KCNQ5: variants seen among roughly 807,000 people sequenced by gnomAD.
KCNQ5 encodes potassium voltage-gated channel subfamily KQT member 5.
In KCNQ5, 30 loss-of-function variants were observed where a neutral mutation model predicts 98.2. That is an observed-to-expected ratio of 0.31 (90% CI 0.23 to 0.41). The LOEUF is 0.41. Ranked by LOEUF, KCNQ5 falls within the 10% of genes least tolerant of loss-of-function variation. The pLI is 1.00. For missense variants in KCNQ5, 835 were observed against 1,182.5 expected (o/e 0.71, Z 4.31); for synonymous variants, 458 against 449.4 (o/e 1.02, Z -0.24).
chr6:72,829,776 G>C (rs1200037565), intron 1 of KCNQ5, among the ~76,000 whole-genome samples: 1 of 152,126 alleles, frequency 6.6e-6, no homozygotes, highest in African/African-American at 2.4e-5. Flanking sequence ...AGATGTTTGA[G>C]ACAAAGTAAA....
chr6:72,805,500 G>T (rs1179239032), intron 1 of KCNQ5, among the ~76,000 whole-genome samples: 2 of 151,928 alleles, frequency 1.3e-5, no homozygotes, highest in Admixed American at 6.6e-5. Context: ...TTTGTTTCTG[G>T]GTTCTCTATT....
chr6:72,829,029 C>A (rs1402967155), intron 1 of KCNQ5, among the ~76,000 whole-genome samples: 2 of 151,998 alleles, frequency 1.3e-5, no homozygotes, highest in South Asian at 4.2e-4. Context: ...TTTATATAGA[C>A]CTAAATACAT....
chr6:72,743,839 T>C (rs112670237), intron 1 of KCNQ5, among the ~76,000 whole-genome samples: 34 of 152,324 alleles, frequency 2.2e-4, no homozygotes, highest in African/African-American at 7.7e-4. Context: ...CATGAATTTT[T>C]TTATTGTATC....
chr6:72,958,046 A>G (rs1767170613), intron 1 of KCNQ5, among the ~76,000 whole-genome samples: 1 of 152,150 alleles, frequency 6.6e-6, no homozygotes, highest in African/African-American at 2.4e-5. Flanking sequence ...AGCCTAATAT[A>G]GTGGGTGCCT....
At chr6:72,798,759 A>G (rs1774477890) in intron 1 of KCNQ5, among the ~76,000 whole-genome samples, 1 of 152,186 alleles carries the variant, frequency 6.6e-6, no homozygotes, top group Admixed American at 6.6e-5. Context: ...TCAAGCCCCC[A>G]GTTCATGGTA....
chr6:72,736,586 G>A (rs1350510133), intron 1 of KCNQ5, among the ~76,000 whole-genome samples: 3 of 137,786 alleles, frequency 2.2e-5, no homozygotes, highest in Admixed American at 7.6e-5. Flanking sequence ...TGCAAGCTCC[G>A]CCTCCCGGGT....
chr6:72,819,367 C>T (rs1775647043), intron 1 of KCNQ5, among the ~76,000 whole-genome samples: 1 of 151,850 alleles, frequency 6.6e-6, no homozygotes, highest in Admixed American at 6.6e-5. Flanking sequence ...ACTATAGTCG[C>T]CCAGCAATAA....
At chr6:73,190,779 A>G (rs1765564630) in intron 12 of KCNQ5, 75 bp downstream of exon 12, 1 of 938,960 alleles carries the variant, frequency 1.1e-6, no homozygotes, top group Non-Finnish European at 1.5e-6. Flanking sequence ...TCTTTAGTAG[A>G]GTAAACCTCT....
At chr6:73,009,983 C>A (rs1769989386) in intron 2 of KCNQ5, among the ~76,000 whole-genome samples, 1 of 151,884 alleles carries the variant, frequency 6.6e-6, no homozygotes, top group South Asian at 2.1e-4. Context: ...GAAACTATTC[C>A]AAAAATATAA....
chr6:73,052,716 C>A (rs541705328), intron 3 of KCNQ5, among the ~76,000 whole-genome samples: 282 of 152,268 alleles, frequency 1.9e-3, no homozygotes, highest in African/African-American at 6.4e-3. Context: ...ATCAGACCTG[C>A]CTTATAAGAG....
chr6:72,898,506 C>T (rs973100324), intron 1 of KCNQ5, among the ~76,000 whole-genome samples: 8 of 152,202 alleles, frequency 5.3e-5, no homozygotes, highest in African/African-American at 1.9e-4. Flanking sequence ...GACATGATCT[C>T]ATTCCTTTTT....
chr6:73,159,726 C>T (rs1160097229), intron 10 of KCNQ5, among the ~76,000 whole-genome samples: 2 of 152,128 alleles, frequency 1.3e-5, no homozygotes, highest in African/African-American at 4.8e-5. Flanking sequence ...TCTTTCCTGA[C>T]TGACTTATTT....
At chr6:72,732,810 A>G (rs780758181) in intron 1 of KCNQ5, among the ~76,000 whole-genome samples, 1 of 152,206 alleles carries the variant, frequency 6.6e-6, no homozygotes, top group Non-Finnish European at 1.5e-5. Flanking sequence ...GAGAGCTTAA[A>G]CAAAGTAAAG....
intron 1 of KCNQ5, among the ~76,000 whole-genome samples, chr6:72,783,368 T>C (rs1387758629): frequency 2.0e-5 from 3 of 152,142 alleles, no homozygotes; most frequent in African/African-American, 7.2e-5. Context: ...CATAACTCCA[T>C]GGAAAATGAC....
rs1448226821 is a variant in KCNQ5 at position 72,726,146 on chromosome 6, C to T, written c.398+103559C>T. Among the ~76,000 whole-genome samples, 14 of 150,900 alleles carry T rather than the reference C, an allele frequency of 9.3e-5. 1 individual carries two copies. Among genetic ancestry groups the T allele is most frequent in the African/African-American group, 9.7e-5 (4 of 41,132 alleles). On this transcript the variant is annotated intron_variant, in intron 1 of 13. Coordinates refer to ENST00000370398, the MANE Select transcript of KCNQ5 (RefSeq NM_019842.4). ...TTCACAATAATAACATGAGCCCTTACACTTATCAGAAAAACCCAGGTATTT... is the reference window on the plus strand; with the variant it reads ...TTCACAATAATAACATGAGCCCTTATACTTATCAGAAAAACCCAGGTATTT...
intron 1 of KCNQ5, among the ~76,000 whole-genome samples, chr6:72,883,759 AGAG>A (rs1778743157): frequency 6.6e-6 from 1 of 152,164 alleles, no homozygotes; most frequent in Admixed American, 6.6e-5. Flanking sequence ...AGTAAGAATA[AGAG>A]GAGACCAGGC....
chr6:73,042,087 T>C (rs765993521), intron 3 of KCNQ5, 25 bp downstream of exon 3: 2 of 1,612,370 alleles, frequency 1.2e-6, no homozygotes, highest in Admixed American at 3.3e-5. Flanking sequence ...CTCAGATACC[T>C]GGACTATGAC....
intron 1 of KCNQ5, among the ~76,000 whole-genome samples, chr6:72,908,223 G>A (rs1413608750): frequency 1.3e-5 from 2 of 152,008 alleles, no homozygotes; most frequent in African/African-American, 4.8e-5. Flanking sequence ...AGAACATGGG[G>A]AGATGTACAC....
intron 1 of KCNQ5, among the ~76,000 whole-genome samples, chr6:72,966,140 A>G (rs964471846): frequency 2.0e-5 from 3 of 152,304 alleles, no homozygotes; most frequent in Non-Finnish European, 4.4e-5. Context: ...GCCCAAGAAG[A>G]ATTTCTTGTT....
Sources: gnomAD v4.1 joint callset for allele counts (sites outside exome capture counted in the v4.1 genomes callset) on GRCh38, gnomAD v4.1.1 for gene constraint, MANE v1.5 for transcripts, NCBI Gene and HGNC (gene_info 2026-07-23, HGNC 2026-07-21) for gene names.